DLG2: variants seen among roughly 807,000 people sequenced by gnomAD.
DLG2 encodes the protein discs large MAGUK scaffold protein 2, also known as disks large homolog 2.
Under a neutral mutation model 132.5 loss-of-function variants are expected in DLG2, and 45 were observed. The ratio of observed to expected loss-of-function variants is 0.34; its 90% CI spans 0.27 to 0.44. The LOEUF is 0.44. DLG2 is among the 20% of genes least tolerant of loss of function. DLG2 has a pLI of 1.00. For missense variants in DLG2, 1,045 were observed against 1,196.9 expected (o/e 0.87, Z 1.87); for synonymous variants, 424 against 419.6 (o/e 1.01, Z -0.13).
intron 8 of DLG2, among the ~76,000 whole-genome samples, chr11:84,244,909 A>G (rs1475831110): frequency 6.6e-6 from 1 of 152,220 alleles, no homozygotes; most frequent in Non-Finnish European, 1.5e-5. Flanking sequence ...GGTCCAATCA[A>G]AAGTGAATCA....
chr11:83,632,883 C>T, intron 19 of DLG2: 2 of 253,368 alleles, frequency 7.9e-6, no homozygotes, highest in South Asian at 6.6e-5. Context: ...AGTAAATGTC[C>T]AAGGGTTTGG....
chr11:83,617,083 T>C (rs2060934078), intron 19 of DLG2, among the ~76,000 whole-genome samples: 1 of 152,238 alleles, frequency 6.6e-6, no homozygotes, highest in Non-Finnish European at 1.5e-5. Flanking sequence ...ATGTAAATTC[T>C]CTGACTTCAT....
At chr11:85,494,319 A>G (rs2093625241) in intron 3 of DLG2, among the ~76,000 whole-genome samples, 1 of 152,214 alleles carries the variant, frequency 6.6e-6, no homozygotes, top group African/African-American at 2.4e-5. Flanking sequence ...GAAAATAATT[A>G]AAGCCTTAGA....
chr11:83,499,699 T>C (rs1449812631), intron 21 of DLG2, among the ~76,000 whole-genome samples: 1 of 150,088 alleles, frequency 6.7e-6, no homozygotes, highest in Non-Finnish European at 1.5e-5. Context: ...TCGGACTGGC[T>C]CTCCTTGCTC....
intron 9 of DLG2, among the ~76,000 whole-genome samples, chr11:84,108,012 T>G (rs1453703987): frequency 1.3e-5 from 2 of 152,106 alleles, no homozygotes; most frequent in East Asian, 3.9e-4. Context: ...TTGGTTGCTT[T>G]AGGGGTGAGG....
chr11:85,339,495 C>G (rs1351163937), intron 3 of DLG2, among the ~76,000 whole-genome samples: 1 of 152,106 alleles, frequency 6.6e-6, no homozygotes, highest in African/African-American at 2.4e-5. Flanking sequence ...ATGAAAATTT[C>G]TGTTTCTGCA....
chr11:84,814,598 G>T (rs949862839), intron 6 of DLG2, among the ~76,000 whole-genome samples: 5 of 151,826 alleles, frequency 3.3e-5, no homozygotes, highest in African/African-American at 1.2e-4. Context: ...CTTAAATTAC[G>T]TGCAGTTCTC....
At chr11:84,156,553 G>A (rs2095433215) in intron 9 of DLG2, among the ~76,000 whole-genome samples, 1 of 152,134 alleles carries the variant, frequency 6.6e-6, no homozygotes, top group Non-Finnish European at 1.5e-5. Context: ...CAGAATGTAT[G>A]GCCATGTGAT....
intron 3 of DLG2, among the ~76,000 whole-genome samples, chr11:85,572,039 C>T (rs1442853194): frequency 6.6e-6 from 1 of 152,082 alleles, no homozygotes; most frequent in African/African-American, 2.4e-5. Context: ...AACTCACTGT[C>T]CTTACAGAGA....
At chr11:84,563,766 C>T (rs2099437716) in intron 6 of DLG2, among the ~76,000 whole-genome samples, 1 of 152,130 alleles carries the variant, frequency 6.6e-6, no homozygotes, top group African/African-American at 2.4e-5. Flanking sequence ...CTCTGTGAGG[C>T]TCTGAAGTAG....
intron 18 of DLG2, among the ~76,000 whole-genome samples, chr11:83,727,867 G>A (rs188485211): frequency 6.6e-6 from 1 of 152,258 alleles, no homozygotes; most frequent in Non-Finnish European, 1.5e-5. Context: ...GAAGTTCTCT[G>A]TAAAGTTAAA....
intron 3 of DLG2, among the ~76,000 whole-genome samples, chr11:85,324,568 C>T (rs537975389): frequency 6.6e-6 from 1 of 152,122 alleles, no homozygotes; most frequent in African/African-American, 2.4e-5. Flanking sequence ...AAAGTAAAAG[C>T]TGAAATCTAG....
At chr11:84,727,547 T>C (rs2062631903) in intron 6 of DLG2, among the ~76,000 whole-genome samples, 1 of 152,214 alleles carries the variant, frequency 6.6e-6, no homozygotes, top group Non-Finnish European at 1.5e-5. Context: ...AGCTTTCTTC[T>C]TCTTGTCCAG....
At chr11:84,531,800 G>A (rs2099342299) in intron 7 of DLG2, among the ~76,000 whole-genome samples, 1 of 152,284 alleles carries the variant, frequency 6.6e-6, no homozygotes, top group African/African-American at 2.4e-5. Context: ...TTAGTTAGAA[G>A]TGACATAAAT....
At chr11:83,835,883 G>A (rs766474017) in intron 16 of DLG2, among the ~76,000 whole-genome samples, 8 of 152,096 alleles carry the variant, frequency 5.3e-5, no homozygotes, top group Non-Finnish European at 1.2e-4. Context: ...GTTCTTCAGA[G>A]AAAGCCAACA....
At position 83,457,641 on chromosome 11, in the gene DLG2, A is replaced by C. The variant is rs1303710132; in HGVS notation, c.*2177T>G. On this transcript the variant is annotated 3_prime_UTR_variant, in exon 28 of 28. Coordinates refer to ENST00000376104, the MANE Select transcript of DLG2 (RefSeq NM_001142699.3). ...GACAGTCTTTTAAATAAATGGTTGC[A>C]TGCTCAGTTGAGAAACCAAAGAAGT... The C allele has an allele frequency of 1.4e-4, 21 of 152,412 alleles. No homozygotes were observed. The highest frequency in any genetic ancestry group is 1.5e-5 in the Non-Finnish European group (1 of 68,034). 9.4% of individuals were successfully genotyped at this position (152,412 alleles called of 1,614,324 possible). A position where few individuals can be genotyped will look rare whatever the true frequency, so the allele number is the denominator to read the frequency against.
At chr11:85,157,483 A>C (rs563090722) in intron 4 of DLG2, among the ~76,000 whole-genome samples, 2 of 151,834 alleles carry the variant, frequency 1.3e-5, no homozygotes, top group Admixed American at 6.6e-5. Flanking sequence ...CTGATTCACC[A>C]TTCGTGAGAG....
intron 6 of DLG2, among the ~76,000 whole-genome samples, chr11:85,055,677 A>C (rs530333290): frequency 1.3e-4 from 20 of 152,316 alleles, no homozygotes; most frequent in African/African-American, 4.6e-4. Context: ...TTCTCAAAGC[A>C]ATAGTCAATT....
At chr11:85,264,941 G>A (rs1181502070) in intron 4 of DLG2, among the ~76,000 whole-genome samples, 1 of 152,128 alleles carries the variant, frequency 6.6e-6, no homozygotes, top group Non-Finnish European at 1.5e-5. Flanking sequence ...TCCTGTCTAT[G>A]ATCCAGTCTT....
Sources: allele counts gnomAD v4.1 joint callset (sites outside exome capture counted in the v4.1 genomes callset), GRCh38; gene constraint gnomAD v4.1.1; transcripts MANE v1.5; gene names NCBI Gene and HGNC (gene_info 2026-07-23, HGNC 2026-07-21).